The following SIRT3 variants were observed in gnomAD, a reference collection of about 807,000 sequenced individuals.
The protein encoded by SIRT3 is sirtuin 3, also known as NAD-dependent protein deacetylase sirtuin-3, mitochondrial.
A neutral mutation model predicts 33.5 loss-of-function variants in SIRT3; 26 were observed. The ratio of observed to expected loss-of-function variants is 0.78; its 90% CI spans 0.57 to 1.08. The LOEUF (loss-of-function observed/expected upper bound fraction) is 1.08, where lower values mean the gene tolerates loss of function less well. Among genes scored for constraint, SIRT3 ranks in the 50% least tolerant of loss-of-function variants. The pLI is 0.00. For synonymous variants in SIRT3, 237 were observed against 222.1 expected (o/e 1.07, Z -0.60); for missense variants, 585 against 530.1 (o/e 1.10, Z -1.02).
rs201386615 is a variant in SIRT3, at chr11:216,610, C to G, written c.*88G>C. 1.9e-5 allele frequency: 29 copies of G among 1,504,380 alleles called. No homozygotes were observed. Among genetic ancestry groups the G allele is most frequent in the Non-Finnish European group, 8.3e-6 (9 of 1,082,900 alleles). 93.2% of individuals were successfully genotyped at this position (1,504,380 alleles called of 1,614,324 possible). On this transcript the variant is annotated 3_prime_UTR_variant, in exon 7 of 7. Transcript: ENST00000382743. The stretch of plus-strand genomic sequence containing the variant: ...TTCACATATTCTGGTTTCACCTGCC[C>G]AAGCTGTCTTCAGGCATGAGGTCTT...
At chr11:233,258 C>T in intron 2 of SIRT3, 43 bp from the exon 3 acceptor site, 1 of 1,604,358 alleles carries the variant, frequency 6.2e-7, no homozygotes, top group South Asian at 1.1e-5. Flanking sequence ...TGGAAGAGGA[C>T]AGGGAAGTGG....
rs1254852141 is a variant in SIRT3 at position 218,950 on chromosome 11, T to TGCCAA, written c.1056_1060dup (p.His354LeufsTer22). ...CTGGGCCACGTCCCTGCTGCGAGGATGCCAAGCCAAGGGCCCCACCAAGTC... is the reference window on the plus strand; with the variant it reads ...CTGGGCCACGTCCCTGCTGCGAGGATGCCAAGCCAAGCCAAGGGCCCCACCAAGTC... On this transcript the variant is annotated frameshift_variant, in exon 6 of 7. Transcript: ENST00000382743. LOFTEE classifies it high-confidence loss of function. 5 of 1,614,016 alleles carry TGCCAA rather than the reference T, an allele frequency of 3.1e-6. No individual in the cohort carries two copies. Among genetic ancestry groups the TGCCAA allele is most frequent in the African/African-American group, 1.3e-5 (1 of 74,900 alleles).
intron 5 of SIRT3, among the ~76,000 whole-genome samples, chr11:219,517 C>T (rs1026943024): frequency 6.6e-6 from 1 of 152,294 alleles, no homozygotes; most frequent in South Asian, 2.1e-4. Context: ...GTTACTGTTA[C>T]GTCTCTCCAT....
At position 230,521 on chromosome 11, in the gene SIRT3, T is replaced by G; in HGVS notation, c.738A>C (p.Glu246Asp). 6.5e-7 allele frequency: 1 copy of G among 1,536,556 alleles called. No individual in the cohort carries two copies. Among genetic ancestry groups the G allele is most frequent in the East Asian group, 2.6e-5 (1 of 38,876 alleles). The part of the protein sequence containing the change: ...VSGIPASKLV[E>D]AHGTFASATC... ...TGGCAGAGGCAAAGGTTCCATGAGC[T>G]TCAACCAGCTTTGAGGCAGGGATGC... The change falls in exon 4 of 7, where the codon GAA (glutamate) becomes GAC (aspartate). Residue 246 changes from glutamate to aspartate, a missense_variant. By Grantham distance (45) the Glu-to-Asp change is conservative. Coordinates refer to ENST00000382743, the MANE Select transcript of SIRT3 (RefSeq NM_012239.6).
chr11:225,413 A>AAAAACAAAAC (rs59384450), intron 4 of SIRT3, among the ~76,000 whole-genome samples: 7 of 151,834 alleles, frequency 4.6e-5, no homozygotes, highest in South Asian at 4.1e-4. Context: ...CTCTGTCTCA[A>AAAAACAAAAC]AAAACAAAAC....
chr11:227,211 G>A (rs1036742690), intron 4 of SIRT3, among the ~76,000 whole-genome samples: 4 of 151,686 alleles, frequency 2.6e-5, no homozygotes, highest in Admixed American at 6.6e-5. Context: ...AGGCCGAGGC[G>A]GGTGGATCAT....
chr11:218,793 A>T lies in SIRT3; in HGVS notation c.1179+39T>A, dbSNP rs111930133. 4.3e-4 allele frequency: 694 copies of T among 1,613,982 alleles called. 5 individuals are homozygous for T. In the African/African-American group the frequency reaches 7.3e-3, roughly 17 times the overall value. ...TGGACCATACCCTAGAGCAGTGAGA[A>T]GGGCAGCCCCTTGGATGGTCCTCCT... On this transcript the variant is annotated intron_variant, in intron 6 of 6. Transcript: ENST00000382743.
In SIRT3 at chr11:233,211, G is replaced by C; in HGVS notation, c.478C>G (p.Pro160Ala). 6.2e-7 allele frequency: 1 copy of C among 1,613,028 alleles called. No homozygotes were observed. The highest frequency in any genetic ancestry group is 1.1e-5 in the South Asian group (1 of 91,048). The change falls in exon 3 of 7, where the codon CCG becomes GCG. Residue 160 changes from proline to alanine, a missense_variant. Physicochemically the swap from Pro to Ala is conservative, Grantham distance 27 (BLOSUM62 -1). Coordinates refer to ENST00000382743, the MANE Select transcript of SIRT3 (RefSeq NM_012239.6). Reference protein sequence around the residue: ...TPSGIPDFRSPGSGLYSNLQQ... With the variant: ...TPSGIPDFRSAGSGLYSNLQQ... ...AGGTTGCTGTACAGGCCACTCCCCG[G>C]CGATCTGCAGGGAGAGAAGAAAGGC...
At chr11:221,974 TC>T (rs1856502166) in intron 5 of SIRT3, among the ~76,000 whole-genome samples, 1 of 152,012 alleles carries the variant, frequency 6.6e-6, no homozygotes, top group Admixed American at 6.6e-5. Context: ...TTGCTTTATA[TC>T]TTTATATAAT....
chr11:236,267 C>T lies in SIRT3; in HGVS notation c.62G>A (p.Arg21Gln). 1 of 1,542,568 alleles carries T rather than the reference C, an allele frequency of 6.5e-7. No individual in the cohort carries two copies. Among genetic ancestry groups the T allele is most frequent in the Non-Finnish European group, 8.7e-7 (1 of 1,149,480 alleles). The stretch of plus-strand genomic sequence containing the variant: ...CCCCACGCCTCCCCCGGCCTCGACC[C>T]GTTCAACTACCCGGCCCCACAGCCG... ...ALRLWGRVVERVEAGGGVGPF... is the reference protein window; with the variant it reads ...ALRLWGRVVEQVEAGGGVGPF... The change falls in exon 1 of 7, where the codon CGG becomes CAG. Residue 21 changes from arginine to glutamine, a missense_variant. Arg to Gln is a conservative substitution (Grantham distance 43). Coordinates refer to ENST00000382743, the MANE Select transcript of SIRT3 (RefSeq NM_012239.6).
At position 233,069 on chromosome 11, in the gene SIRT3, T is replaced by C. The variant is rs191104319; in HGVS notation, c.620A>G (p.Asn207Ser). Residue 207 changes from asparagine to serine, a missense_variant, in exon 3 of 7, where the codon AAC becomes AGC. Transcript: ENST00000382743. ...KELYPGNYKP[N>S]VTHYFLRLLH... is the part of the protein sequence containing the mutation. ...CAGCCGGAGAAAGTAGTGAGTGACG[T>C]TGGGCTTGTAGTTTCCAGGGTACAG... 13 of 1,614,088 alleles carry C rather than the reference T, an allele frequency of 8.1e-6. No individual in the cohort carries two copies. The highest frequency in any genetic ancestry group is 2.7e-5 in the African/African-American group (2 of 74,988).
intron 5 of SIRT3, among the ~76,000 whole-genome samples, chr11:221,399 C>T (rs1001313266): frequency 8.5e-5 from 13 of 152,174 alleles, no homozygotes; most frequent in Admixed American, 2.6e-4. Context: ...GTGTGAGCCA[C>T]GGTGCCTGGC....
chr11:219,902 T>C (rs1398840818), intron 5 of SIRT3, among the ~76,000 whole-genome samples: 1 of 152,128 alleles, frequency 6.6e-6, no homozygotes, highest in African/African-American at 2.4e-5. Context: ...AAATTTAAAA[T>C]TTTTAAAAAC....
At chr11:218,725 G>A (rs1855987714) in intron 6 of SIRT3, 107 bp downstream of exon 6, 1 of 1,559,020 alleles carries the variant, frequency 6.4e-7, no homozygotes, top group Non-Finnish European at 8.7e-7. Context: ...AGCATCATCA[G>A]CTATTACTGT....
intron 4 of SIRT3, among the ~76,000 whole-genome samples, chr11:227,235 C>G (rs544331773): frequency 6.8e-6 from 1 of 148,128 alleles, no homozygotes; most frequent in South Asian, 2.2e-4. Context: ...GTCAGGAGTT[C>G]GACACCAGCC....
At chr11:217,927 C>A (rs145910282) in intron 6 of SIRT3, among the ~76,000 whole-genome samples, 1 of 152,306 alleles carries the variant, frequency 6.6e-6, no homozygotes, top group African/African-American at 2.4e-5. Context: ...CACTCTTCTT[C>A]TGATAGTGAA....
chr11:234,231 G>A lies in SIRT3; in HGVS notation c.282-697C>T, dbSNP rs376309320. 1.3e-5 allele frequency among the ~76,000 whole-genome samples: 2 copies of A among 152,218 alleles called. 1 individual carries two copies. Among genetic ancestry groups the A allele is most frequent in the South Asian group, 4.1e-4 (2 of 4,824 alleles). ...GGTGTGAAATTCACTGGGAGTGGGG[G>A]ACCCTGAGGGGCAGGCATGGGTGCA... On this transcript the variant is annotated intron_variant, in intron 1 of 6. Transcript: ENST00000382743.
chr11:225,060 G>A (rs1030180946), intron 4 of SIRT3, among the ~76,000 whole-genome samples: 1 of 150,814 alleles, frequency 6.6e-6, no homozygotes, highest in African/African-American at 2.5e-5. Flanking sequence ...TGTTATCTTG[G>A]AGGCATGGGG....
chr11:221,823 G>A (rs1856482496), intron 5 of SIRT3, among the ~76,000 whole-genome samples: 2 of 151,432 alleles, frequency 1.3e-5, no homozygotes, highest in African/African-American at 4.8e-5. Flanking sequence ...GAAAACAGCA[G>A]GCTGCAGAAT....
Sources: allele counts gnomAD v4.1 joint callset (sites outside exome capture counted in the v4.1 genomes callset), GRCh38; gene constraint gnomAD v4.1.1; transcripts MANE v1.5; gene names NCBI Gene and HGNC (gene_info 2026-07-23, HGNC 2026-07-21).